PARP8: variants seen among roughly 807,000 people sequenced by gnomAD.
PARP8 encodes poly(ADP-ribose) polymerase family member 8.
Under a neutral mutation model 124.1 loss-of-function variants are expected in PARP8, and 51 were observed. The ratio of observed to expected loss-of-function variants is 0.41; its 90% CI spans 0.33 to 0.52. The LOEUF (loss-of-function observed/expected upper bound fraction) is 0.52, where lower values mean the gene tolerates loss of function less well. Among genes scored for constraint, PARP8 ranks in the 20% least tolerant of loss-of-function variants. The pLI is 0.21. For missense variants in PARP8, 860 were observed against 1,018.9 expected, an observed-to-expected ratio of 0.84 and a Z score of 2.12; for synonymous variants, 391 against 361.5, an observed-to-expected ratio of 1.08 and a Z score of -0.93.
In PARP8 at chr5:50,755,053, G is replaced by A. The variant is rs577396003; in HGVS notation, c.185-4590G>A. Among the ~76,000 whole-genome samples, 3 of 152,026 alleles carry A rather than the reference G, an allele frequency of 2.0e-5. No individual in the cohort carries two copies. The East Asian group carries it at 5.8e-4, about 29-fold the overall frequency. Reference sequence around the variant, plus strand: ...GTTGTTTTTTTCTTGTACATTTGTTGGAGTTCTTTGTAGATTCTGGGTATT... The same window carrying A: ...GTTGTTTTTTTCTTGTACATTTGTTAGAGTTCTTTGTAGATTCTGGGTATT... On this transcript the variant is annotated intron_variant, in intron 3 of 25. Coordinates refer to ENST00000281631, the MANE Select transcript of PARP8 (RefSeq NM_024615.4).
At chr5:50,685,606 A>G (rs1258894923) in intron 2 of PARP8, among the ~76,000 whole-genome samples, 1 of 152,140 alleles carries the variant, frequency 6.6e-6, no homozygotes, top group Non-Finnish European at 1.5e-5. Flanking sequence ...TTTTCATTTT[A>G]TTTTTATAGA....
Position 50,827,819 on chromosome 5 carries a change from G to T in PARP8, c.1978-125G>T, listed in dbSNP as rs116488353. ...TTATACAAATTAGCTTGCTAATGTG[G>T]TTAGTGGAAAATTACTATAGTTTGA... On this transcript the variant is annotated intron_variant, in intron 19 of 25. Transcript: ENST00000281631. The T allele has an allele frequency of 1.5e-3, 1,002 of 674,354 alleles. 5 individuals carry two copies. The African/African-American group carries it at 0.016, about 11-fold the overall frequency. The allele number at this position is 674,354 out of a possible 1,614,324, so 41.8% of individuals were successfully genotyped here.
At chr5:50,794,067 G>A in intron 10 of PARP8, 140 bp from the exon 11 acceptor site, 1 of 880,958 alleles carries the variant, frequency 1.1e-6, no homozygotes. Context: ...GAAAAATCTT[G>A]TATGATTCTA....
At chr5:50,832,686 T>TTA in intron 22 of PARP8, 95 bp from the exon 23 acceptor site, 1 of 1,240,664 alleles carries the variant, frequency 8.1e-7, no homozygotes, top group Non-Finnish European at 1.2e-6. Flanking sequence ...GATCAAACCT[T>TTA]TACCTAGAAT....
Position 50,759,060 on chromosome 5 carries a change from G to A in PARP8, c.185-583G>A, listed in dbSNP as rs545728450. Among the ~76,000 whole-genome samples, 3 of 152,168 alleles carry A rather than the reference G, an allele frequency of 2.0e-5. No individual in the cohort carries two copies. In the South Asian group the frequency reaches 6.2e-4, roughly 32 times the overall value. ...AAGTCTTCAGCTCAAATTTTTGAAT[G>A]ATTTGATAATGAATCTTTCCTTATT... On this transcript the variant is annotated intron_variant, in intron 3 of 25. Coordinates refer to ENST00000281631, the MANE Select transcript of PARP8 (RefSeq NM_024615.4).
chr5:50,750,877 G>A (rs1759178870), intron 3 of PARP8, among the ~76,000 whole-genome samples: 2 of 151,660 alleles, frequency 1.3e-5, no homozygotes, highest in African/African-American at 2.4e-5. Context: ...AAGTGTTCTA[G>A]AGAAATTTTA....
At chr5:50,675,853 C>T (rs961501009) in intron 2 of PARP8, among the ~76,000 whole-genome samples, 8 of 152,006 alleles carry the variant, frequency 5.3e-5, no homozygotes, top group Admixed American at 3.3e-4. Flanking sequence ...AAAAAAAAGT[C>T]GCAGAAATAA....
At chr5:50,757,838 A>T (rs1760130202) in intron 3 of PARP8, among the ~76,000 whole-genome samples, 1 of 152,100 alleles carries the variant, frequency 6.6e-6, no homozygotes, top group African/African-American at 2.4e-5. Flanking sequence ...TCATTCTATG[A>T]TACTGTAAAA....
chr5:50,793,431 A>G (rs1403236559), intron 10 of PARP8, among the ~76,000 whole-genome samples: 2 of 152,184 alleles, frequency 1.3e-5, no homozygotes, highest in Non-Finnish European at 2.9e-5. Context: ...TTTCCCAAAT[A>G]AGAACACTGT....
chr5:50,722,021 A>G (rs1755942908), intron 2 of PARP8, among the ~76,000 whole-genome samples: 1 of 152,010 alleles, frequency 6.6e-6, no homozygotes, highest in African/African-American at 2.4e-5. Context: ...ACCAAATTTT[A>G]TTTTGTGTGC....
At chr5:50,804,195 T>G (rs1743561832) in intron 14 of PARP8, among the ~76,000 whole-genome samples, 1 of 152,206 alleles carries the variant, frequency 6.6e-6, no homozygotes, top group Non-Finnish European at 1.5e-5. Flanking sequence ...CTCACACAAC[T>G]AAAACGCTTA....
intron 7 of PARP8, among the ~76,000 whole-genome samples, chr5:50,770,437 T>A (rs946343500): frequency 1.3e-5 from 2 of 152,164 alleles, no homozygotes; most frequent in East Asian, 3.9e-4. Flanking sequence ...GTGTTCAGGG[T>A]CATTCAAATT....
intron 25 of PARP8, among the ~76,000 whole-genome samples, chr5:50,838,866 A>G (rs542728638): frequency 8.9e-4 from 135 of 151,996 alleles, no homozygotes; most frequent in African/African-American, 3.1e-3. Flanking sequence ...CCATTAGCCT[A>G]TTTTTCAAGG....
chr5:50,795,940 G>A (rs1742491292), intron 12 of PARP8, among the ~76,000 whole-genome samples: 2 of 152,274 alleles, frequency 1.3e-5, no homozygotes, highest in South Asian at 2.1e-4. Context: ...TGTTCTTAGT[G>A]TCCATTTTAT....
At chr5:50,738,859 G>T (rs1214483789) in intron 2 of PARP8, 5 of 632,294 alleles carry the variant, frequency 7.9e-6, no homozygotes, top group Admixed American at 2.3e-5. Flanking sequence ...CAGTAAAAAG[G>T]ATAGTTATTT....
chr5:50,788,228 ATAT>A (rs551488638), intron 9 of PARP8, among the ~76,000 whole-genome samples: 381 of 145,444 alleles, frequency 2.6e-3, no homozygotes, highest in African/African-American at 7.9e-3. Flanking sequence ...ATTATACTGT[ATAT>A]TATTATACAG....
intron 12 of PARP8, among the ~76,000 whole-genome samples, chr5:50,796,339 C>G (rs1742552363): frequency 6.6e-6 from 1 of 152,056 alleles, no homozygotes; most frequent in Non-Finnish European, 1.5e-5. Flanking sequence ...ATAAACTATA[C>G]TGTATATTTA....
At chr5:50,668,776 G>A (rs1195574071) in intron 2 of PARP8, 1 of 152,228 alleles carries the variant, frequency 6.6e-6, no homozygotes, top group Admixed American at 6.5e-5. Context: ...TAAAATGAAA[G>A]GTAGCCATTC....
intron 2 of PARP8, among the ~76,000 whole-genome samples, chr5:50,747,154 G>GTTTTTTTTTTT (rs370243477): frequency 1.6e-5 from 2 of 121,914 alleles, no homozygotes; most frequent in African/African-American, 6.5e-5. Flanking sequence ...TTTTTTGTTT[G>GTTTTTTTTTTT]TTTGTTTTGT....
Sources: gnomAD v4.1 joint callset for allele counts (sites outside exome capture counted in the v4.1 genomes callset) on GRCh38, gnomAD v4.1.1 for gene constraint, MANE v1.5 for transcripts, NCBI Gene and HGNC (gene_info 2026-07-23, HGNC 2026-07-21) for gene names.